REN: variants seen among roughly 807,000 people sequenced by gnomAD.
The protein encoded by REN is renin.
REN carries 42 observed loss-of-function variants against 48.6 expected under a neutral mutation model. The observed-to-expected ratio is 0.86, with a 90% confidence interval of 0.68 to 1.12. The LOEUF (loss-of-function observed/expected upper bound fraction) is 1.12, where lower values mean the gene tolerates loss of function less well. REN is among the 50% of genes most tolerant of loss of function. REN has a pLI of 0.00. For synonymous variants in REN, 196 were observed against 204.6 expected (o/e 0.96, Z 0.36); for missense variants, 443 against 527.3 (o/e 0.84, Z 1.57).
chr1:204,161,160 AG>A (rs772206507), intron 3 of REN, 131 bp downstream of exon 3: 5 of 1,021,780 alleles, frequency 4.9e-6, no homozygotes, highest in Non-Finnish European at 7.0e-6. Flanking sequence ...CCTACATGTC[AG>A]TGGGCACAGA....
chr1:204,165,518 A>G (rs1296873468), intron 1 of REN, among the ~76,000 whole-genome samples: 1 of 151,968 alleles, frequency 6.6e-6, no homozygotes, highest in Non-Finnish European at 1.5e-5. Context: ...AGGCAATCTA[A>G]CTCTATAAGC....
intron 1 of REN, among the ~76,000 whole-genome samples, chr1:204,165,441 G>A (rs1658326903): frequency 6.6e-6 from 1 of 152,190 alleles, no homozygotes; most frequent in Non-Finnish European, 1.5e-5. Context: ...GAGACTTGGA[G>A]AGGTTAAATA....
intron 5 of REN, among the ~76,000 whole-genome samples, chr1:204,157,809 C>T (rs1658174564): frequency 6.6e-6 from 1 of 152,096 alleles, no homozygotes; most frequent in Non-Finnish European, 1.5e-5. Context: ...GCACAAATTC[C>T]CTCCTGCCTG....
Position 204,159,832 on chromosome 1 carries a change from G to A in REN, c.493-237C>T, listed in dbSNP as rs536162528. Among the ~76,000 whole-genome samples, 3 of 152,302 alleles carry A rather than the reference G, an allele frequency of 2.0e-5. No individual in the cohort carries two copies. In the South Asian group the frequency reaches 6.2e-4, roughly 32 times the overall value. On this transcript the variant is annotated intron_variant, in intron 4 of 9. Transcript: ENST00000272190. ...TCGGAGAGCAGAGGCTGAGAGGGTG[G>A]TCCTGCCAAGCAGCAAAAGAAAAGC...
rs1658221540 is a variant in REN at position 204,160,420 on chromosome 1, G to T, written c.492+140C>A. ...TGCTTTGCAGCAACAGCCAGATGTG[G>T]CAGAGTAGGGTGTTCCTCAGCTCCC... On this transcript the variant is annotated intron_variant, in intron 4 of 9. Transcript: ENST00000272190. The T allele has an allele frequency of 6.9e-6, 5 of 723,142 alleles. No homozygotes were observed. The Admixed American group carries it at 9.7e-5, about 14-fold the overall frequency. The allele number at this position is 723,142 out of a possible 1,614,324, so 44.8% of individuals were successfully genotyped here. A position where few individuals can be genotyped will look rare whatever the true frequency, so the allele number is the denominator to read the frequency against.
At chr1:204,159,357 C>T (rs11240685) in intron 5 of REN, 42 bp downstream of exon 5, 1 of 1,581,154 alleles carries the variant, frequency 6.3e-7, no homozygotes, top group Non-Finnish European at 8.7e-7. Context: ...CTCTTCTCCC[C>T]TCCTGTCCCC....
Position 204,157,387 on chromosome 1 carries a change from C to G in REN, c.690-18G>C. On this transcript the variant is annotated intron_variant, in intron 5 of 9. Transcript: ENST00000272190. ...CGGAATCTCTGCAGAGAAAGAGAGA[C>G]AGCAGAAAGGAAGCTTCATTTCATG... 1 of 1,614,236 alleles carries G rather than the reference C, an allele frequency of 6.2e-7. No individual in the cohort carries two copies. Among genetic ancestry groups the G allele is most frequent in the Non-Finnish European group, 8.5e-7 (1 of 1,180,022 alleles).
Position 204,156,660 on chromosome 1 carries a change from G to A in REN, c.818+17C>T. 1.2e-6 allele frequency: 2 copies of A among 1,614,090 alleles called. No individual in the cohort carries two copies. The highest frequency in any genetic ancestry group is 1.7e-6 in the Non-Finnish European group (2 of 1,180,008). ...GCAGCATTTTTTGGAGCCCGGGGAG[G>A]GTTGAGGATTTCTGACCCCTTCATT... On this transcript the variant is annotated intron_variant, in intron 7 of 9. Coordinates refer to ENST00000272190, the MANE Select transcript of REN (RefSeq NM_000537.4). This position sits in a 1 kb window ranked among gnomAD's most constrained non-coding sequence, Gnocchi z 4.2.
chr1:204,158,683 C>T (rs1333105127), intron 5 of REN, among the ~76,000 whole-genome samples: 1 of 152,202 alleles, frequency 6.6e-6, no homozygotes. Context: ...CCAAGGCTGG[C>T]TGAGCTGCAT....
intron 1 of REN, 104 bp from the exon 2 acceptor site, chr1:204,162,267 C>T (rs574578737): frequency 1.6e-5 from 20 of 1,281,486 alleles, no homozygotes; most frequent in East Asian, 9.9e-5. Context: ...CCACCTTTAA[C>T]GTTAGCCCAG....
intron 2 of REN, among the ~76,000 whole-genome samples, 160 bp downstream of exon 2, chr1:204,161,853 C>T (rs1277696154): frequency 6.6e-6 from 1 of 152,132 alleles, no homozygotes; most frequent in African/African-American, 2.4e-5. Context: ...TGTGCTCAGG[C>T]TTTCCAGCTG....
In REN at chr1:204,156,392, T is replaced by C; in HGVS notation, c.819-73A>G. On this transcript the variant is annotated intron_variant, in intron 7 of 9. Coordinates refer to ENST00000272190, the MANE Select transcript of REN (RefSeq NM_000537.4). This position sits in a 1 kb window ranked among gnomAD's most constrained non-coding sequence, Gnocchi z 4.2. ...GCTGATGGGGCACCTCCAGGCTGCA[T>C]GTCCTTCCTGAGTGTGGGTGGGTGG... 4 of 1,517,448 alleles carry C rather than the reference T, an allele frequency of 2.6e-6. No individual in the cohort carries two copies. The highest frequency in any genetic ancestry group is 3.6e-6 in the Non-Finnish European group (4 of 1,116,354). 94.0% of individuals were successfully genotyped at this position (1,517,448 alleles called of 1,614,324 possible). A position where few individuals can be genotyped will look rare whatever the true frequency, so the allele number is the denominator to read the frequency against.
At chr1:204,165,162 G>C (rs1029876767) in intron 1 of REN, among the ~76,000 whole-genome samples, 4 of 152,086 alleles carry the variant, frequency 2.6e-5, no homozygotes, top group African/African-American at 9.7e-5. Flanking sequence ...GTAGAGACAG[G>C]GTTTCTCCAT....
intron 3 of REN, 39 bp downstream of exon 3, chr1:204,161,252 AG>A: frequency 6.4e-7 from 1 of 1,561,628 alleles, no homozygotes; most frequent in South Asian, 1.2e-5. Flanking sequence ...ACAGTAGGGC[AG>A]GGGGATGGAG....
rs1206835388 is a variant in REN, at chr1:204,156,432, G to C, written c.819-113C>G. ...TGGGTGGGTGGGTGGAGGCCACGCTGGTGGCCTGTTGAGGCAGTGAGTAGA... is the reference window on the plus strand; with the variant it reads ...TGGGTGGGTGGGTGGAGGCCACGCTCGTGGCCTGTTGAGGCAGTGAGTAGA... On this transcript the variant is annotated intron_variant, in intron 7 of 9. Coordinates refer to ENST00000272190, the MANE Select transcript of REN (RefSeq NM_000537.4). This position sits in a 1 kb window ranked among gnomAD's most constrained non-coding sequence, Gnocchi z 4.2. The C allele has an allele frequency of 6.9e-7, 1 of 1,449,916 alleles. No homozygotes were observed. The highest frequency in any genetic ancestry group is 9.4e-7 in the Non-Finnish European group (1 of 1,058,296). 89.8% of individuals were successfully genotyped at this position (1,449,916 alleles called of 1,614,324 possible). A position where few individuals can be genotyped will look rare whatever the true frequency, so the allele number is the denominator to read the frequency against.
In REN at chr1:204,156,782, AG is replaced by A. The variant is rs756223807; in HGVS notation, c.712del (p.Leu238TrpfsTer34). The A allele has an allele frequency of 4.3e-6, 7 of 1,614,044 alleles. No homozygotes were observed. Among genetic ancestry groups the A allele is most frequent in the Non-Finnish European group, 5.9e-6 (7 of 1,180,010 alleles). On this transcript the variant is annotated frameshift_variant, in exon 7 of 10. Transcript: ENST00000272190. LOFTEE classifies it high-confidence loss of function. This position sits in a 1 kb window ranked among gnomAD's most constrained non-coding sequence, Gnocchi z 4.2. Reference sequence around the variant, plus strand: ...GCCTCCCAGCACAATCTGTCCTCCCAGCGATTGGGAATTCCTAAAGGAAAGA... The same window carrying A: ...GCCTCCCAGCACAATCTGTCCTCCCACGATTGGGAATTCCTAAAGGAAAGA... ...YNRDSENSQS[L>X]GGQIVLGGSD...
intron 5 of REN, 118 bp from the exon 6 acceptor site, chr1:204,157,487 C>A: frequency 6.9e-7 from 1 of 1,442,194 alleles, no homozygotes; most frequent in Non-Finnish European, 9.8e-7. Flanking sequence ...ATGGAGTCAC[C>A]AAGAGGCGAA....
rs759000777 is a variant in REN, at chr1:204,155,112, A to C, written c.1125T>G (p.Thr375=). The part of the protein sequence containing the change: ...AIHAMDIPPP[T]GPTWALGATF... Reference sequence around the variant, plus strand: ...TGGCCCCCAGGGCCCAGGTGGGTCCAGTGGGTGGCGGGATATCCATGGCGT... The same window carrying C: ...TGGCCCCCAGGGCCCAGGTGGGTCCCGTGGGTGGCGGGATATCCATGGCGT... The change falls in exon 10 of 10, where the codon ACT becomes ACG. Residue 375 remains threonine (T), a synonymous_variant. Coordinates refer to ENST00000272190, the MANE Select transcript of REN (RefSeq NM_000537.4). 1.2e-6 allele frequency: 2 copies of C among 1,614,238 alleles called. No homozygotes were observed. The highest frequency in any genetic ancestry group is 1.7e-6 in the Non-Finnish European group (2 of 1,180,030).
In REN at chr1:204,165,569, G is replaced by A. The variant is rs1014000037; in HGVS notation, c.98+627C>T. On this transcript the variant is annotated intron_variant, in intron 1 of 9. Coordinates refer to ENST00000272190, the MANE Select transcript of REN (RefSeq NM_000537.4). ...GATATCAAGCTGCTTCCCTGGTACA[G>A]TTAACTGTACCCATGCCCCGACCCC... Among the ~76,000 whole-genome samples, 5 of 150,754 alleles carry A rather than the reference G, an allele frequency of 3.3e-5. No homozygotes were observed. The East Asian group carries it at 9.7e-4, about 29-fold the overall frequency.
Sources: allele counts gnomAD v4.1 joint callset (sites outside exome capture counted in the v4.1 genomes callset), GRCh38; gene constraint gnomAD v4.1.1; non-coding constraint Gnocchi (gnomAD v3.1); transcripts MANE v1.5; gene names NCBI Gene and HGNC (gene_info 2026-07-23, HGNC 2026-07-21).